The following CCDC146 variants were observed in gnomAD, a reference collection of about 807,000 sequenced individuals.
The protein encoded by CCDC146 is coiled-coil domain-containing protein 146.
CCDC146 carries 92 observed loss-of-function variants against 119.3 expected under a neutral mutation model. That is an observed-to-expected ratio of 0.77 (90% CI 0.65 to 0.92). CCDC146 has a LOEUF of 0.92. Among genes scored for constraint, CCDC146 ranks in the 40% least tolerant of loss-of-function variants. The pLI is 0.00. For missense variants in CCDC146, 1,000 were observed against 1,103.0 expected (o/e 0.91, Z 1.32); for synonymous variants, 372 against 371.8 (o/e 1.00, Z -0.01).
At chr7:77,125,863 A>G (rs1159045737) in intron 1 of CCDC146, among the ~76,000 whole-genome samples, 1 of 152,172 alleles carries the variant, frequency 6.6e-6, no homozygotes, top group East Asian at 1.9e-4. Flanking sequence ...AACATTGAGA[A>G]GTATTTAATG....
At chr7:77,172,897 G>A (rs1432292321) in intron 2 of CCDC146, among the ~76,000 whole-genome samples, 3 of 152,138 alleles carry the variant, frequency 2.0e-5, no homozygotes, top group African/African-American at 7.2e-5. Context: ...TAACCTTTGA[G>A]ATCCTGGCTC....
intron 1 of CCDC146, among the ~76,000 whole-genome samples, chr7:77,133,053 C>A (rs1790808501): frequency 2.0e-5 from 3 of 151,962 alleles, no homozygotes; most frequent in Admixed American, 2.0e-4. Context: ...CGCCTGCAAT[C>A]CCTGCTACTC....
At position 77,241,452 on chromosome 7, in the gene CCDC146, A is replaced by T. The variant is rs1298911431; in HGVS notation, c.240-239A>T. On this transcript the variant is annotated intron_variant, in intron 3 of 18. Coordinates refer to ENST00000285871, the MANE Select transcript of CCDC146 (RefSeq NM_020879.3). ...TTTAGGCCAGAGTTAGGTGTTTTGG[A>T]GGAGAATACCACAAAGGTGAAGCAG... Among the ~76,000 whole-genome samples, 6 of 36,186 alleles carry T rather than the reference A, an allele frequency of 1.7e-4. 3 individuals are homozygous for T. Among genetic ancestry groups the T allele is most frequent in the African/African-American group, 2.8e-4 (6 of 21,548 alleles). 23.7% of individuals were successfully genotyped at this position (36,186 alleles called of 152,430 possible). A position where few individuals can be genotyped will look rare whatever the true frequency, so the allele number is the denominator to read the frequency against.
At chr7:77,176,833 G>T (rs552363634) in intron 2 of CCDC146, among the ~76,000 whole-genome samples, 136 of 151,920 alleles carry the variant, frequency 9.0e-4, no homozygotes, top group Non-Finnish European at 1.5e-3. Context: ...ATAAATGTTG[G>T]TTTTTTAAAT....
rs544330478 is a variant in CCDC146, at chr7:77,265,126, G to A, written c.1173+2819G>A. On this transcript the variant is annotated intron_variant, in intron 9 of 18. Transcript: ENST00000285871. ...CACAGCACGTTAGGATGTTAAATTG[G>A]AACTTTGGGCAAACACAGACCCTGT... Among the ~76,000 whole-genome samples, 59 of 152,310 alleles carry A rather than the reference G, an allele frequency of 3.9e-4. No individual in the cohort carries two copies. The South Asian group carries it at 0.012, about 30-fold the overall frequency.
In CCDC146 at chr7:77,196,291, G is replaced by A; in HGVS notation, c.156+28467G>A. ...TGAACAGAGTGATTTATGGCTTAAA[G>A]TGCTTGGGTCTGATCATCATCTTAG... On this transcript the variant is annotated intron_variant, in intron 2 of 18. Transcript: ENST00000285871. The surrounding 1 kb of genome is among the most constrained non-coding windows in gnomAD (Gnocchi z 4.2). 6.2e-7 allele frequency: 1 copy of A among 1,612,718 alleles called. No individual in the cohort carries two copies. The highest frequency in any genetic ancestry group is 8.5e-7 in the Non-Finnish European group (1 of 1,179,164).
intron 1 of CCDC146, among the ~76,000 whole-genome samples, chr7:77,126,038 T>G (rs1263647561): frequency 6.6e-6 from 1 of 152,092 alleles, no homozygotes; most frequent in Non-Finnish European, 1.5e-5. Context: ...CAAAAATCCT[T>G]GATTTATTTC....
At chr7:77,227,548 G>T (rs556506501) in intron 2 of CCDC146, among the ~76,000 whole-genome samples, 1 of 152,090 alleles carries the variant, frequency 6.6e-6, no homozygotes, top group South Asian at 2.1e-4. Context: ...CTCGTGATCC[G>T]CCTGCCTCAG....
intron 6 of CCDC146, chr7:77,257,788 C>G (rs1446406264): frequency 1.3e-5 from 2 of 152,178 alleles, no homozygotes; most frequent in East Asian, 3.9e-4. Flanking sequence ...TTTTCTATAA[C>G]CCTTGCTGAG....
At position 77,236,482 on chromosome 7, in the gene CCDC146, T is replaced by A. The variant is rs557172210; in HGVS notation, c.157-465T>A. ...TCTATAACCTTGAACAAATCATTTT[T>A]CTAAACTTTAGTTTCAAATGGAGAT... On this transcript the variant is annotated intron_variant, in intron 2 of 18. Transcript: ENST00000285871. Among the ~76,000 whole-genome samples the A allele has an allele frequency of 3.0e-4, 45 of 152,344 alleles. 1 individual carries two copies. In the East Asian group the frequency reaches 7.7e-3, roughly 26 times the overall value.
chr7:77,151,908 G>T (rs1409089597), intron 1 of CCDC146, among the ~76,000 whole-genome samples: 1 of 152,138 alleles, frequency 6.6e-6, no homozygotes, highest in Non-Finnish European at 1.5e-5. Flanking sequence ...CAGTTTCAAG[G>T]ACTTTTGTAG....
At chr7:77,205,223 AT>A (rs1447151121) in intron 2 of CCDC146, among the ~76,000 whole-genome samples, 1 of 152,336 alleles carries the variant, frequency 6.6e-6, no homozygotes, top group African/African-American at 2.4e-5. Flanking sequence ...CGAATACTGA[AT>A]CAGCAAATAC....
In CCDC146 at chr7:77,160,297, T is replaced by G. The variant is rs1005991336; in HGVS notation, c.-11-7361T>G. The stretch of plus-strand genomic sequence containing the variant: ...GAACTTTAAAGTAGTTTTTTCCAAT[T>G]CTGTGAAGAAAGTAATTGGTAGCTT... On this transcript the variant is annotated intron_variant, in intron 1 of 18. Coordinates refer to ENST00000285871, the MANE Select transcript of CCDC146 (RefSeq NM_020879.3). Among the ~76,000 whole-genome samples, 749 of 152,336 alleles carry G rather than the reference T, an allele frequency of 4.9e-3. 9 individuals carry two copies. Among genetic ancestry groups the G allele is most frequent in the African/African-American group, 0.017 (725 of 41,568 alleles).
chr7:77,183,714 C>G (rs2150418350), intron 2 of CCDC146, among the ~76,000 whole-genome samples: 1 of 152,312 alleles, frequency 6.6e-6, no homozygotes, highest in Middle Eastern at 3.4e-3. Context: ...TCTGCATGCT[C>G]TCCGCATAGT....
chr7:77,273,852 A>G, intron 10 of CCDC146, 63 bp downstream of exon 10: 3 of 1,020,796 alleles, frequency 2.9e-6, no homozygotes, highest in Non-Finnish European at 4.6e-6. Flanking sequence ...TGTGCTTTTA[A>G]CTGTGCTCCA....
chr7:77,232,231 G>A (rs1792644489), intron 2 of CCDC146, among the ~76,000 whole-genome samples: 1 of 152,138 alleles, frequency 6.6e-6, no homozygotes, highest in African/African-American at 2.4e-5. Flanking sequence ...TTTCCACTGG[G>A]TCTGTGTGTG....
intron 4 of CCDC146, among the ~76,000 whole-genome samples, chr7:77,244,701 G>C (rs1390975425): frequency 2.6e-5 from 4 of 152,190 alleles, no homozygotes; most frequent in Non-Finnish European, 5.9e-5. Context: ...CAATGATGAA[G>C]TTGCCTAACG....
chr7:77,288,802 C>G (rs1562863746), intron 17 of CCDC146, among the ~76,000 whole-genome samples: 2 of 152,206 alleles, frequency 1.3e-5, no homozygotes, highest in African/African-American at 4.8e-5. Context: ...ACACCAGAGA[C>G]TGTGGGCTCC....
intron 1 of CCDC146, among the ~76,000 whole-genome samples, chr7:77,155,468 A>G (rs2537373): frequency 0.25 from 37,426 of 150,210 alleles, 6,644 homozygotes; most frequent in African/African-American, 0.51. Context: ...GCTATTGAAG[A>G]CCAAGAGGAA....
Sources: gnomAD v4.1 joint callset for allele counts (sites outside exome capture counted in the v4.1 genomes callset) on GRCh38, gnomAD v4.1.1 for gene constraint, Gnocchi (gnomAD v3.1) non-coding constraint, MANE v1.5 for transcripts, NCBI Gene and HGNC (gene_info 2026-07-23, HGNC 2026-07-21) for gene names.